Variants in NUP133 observed in about 807,000 individuals in gnomAD.
NUP133 encodes nucleoporin 133, also known as nuclear pore complex protein Nup133.
In NUP133, 66 loss-of-function variants were observed where a neutral mutation model predicts 146.2. The observed-to-expected ratio is 0.45, with a 90% CI of 0.37 to 0.55. NUP133 has a LOEUF of 0.55. NUP133 is among the 20% of genes least tolerant of loss of function. The probability of loss-of-function intolerance (pLI) is 0.00; values close to 1 mark genes in which losing one functional copy is unlikely to be tolerated. For synonymous variants in NUP133, 521 were observed against 498.8 expected (o/e 1.04, Z -0.59); for missense variants, 1,277 against 1,374.8 (o/e 0.93, Z 1.12).
intron 14 of NUP133, among the ~76,000 whole-genome samples, chr1:229,472,585 G>A (rs1183441904): frequency 6.6e-6 from 1 of 151,364 alleles, no homozygotes; most frequent in Non-Finnish European, 1.5e-5. Flanking sequence ...GGGAGGCTGA[G>A]ATGGGAAGAT....
chr1:229,472,330 A>C (rs1660976312), intron 14 of NUP133, among the ~76,000 whole-genome samples: 1 of 151,488 alleles, frequency 6.6e-6, no homozygotes, highest in Admixed American at 6.6e-5. Flanking sequence ...AAAAAAAAAA[A>C]AAAAAAAATC....
chr1:229,465,937 G>A (rs1173092560), intron 16 of NUP133, among the ~76,000 whole-genome samples: 2 of 148,112 alleles, frequency 1.4e-5, no homozygotes, highest in African/African-American at 5.0e-5. Flanking sequence ...AGAGAAAAAA[G>A]TCAGCACAGA....
At position 229,489,883 on chromosome 1, in the gene NUP133, A is replaced by G; in HGVS notation, c.1194+72T>C. 5.9e-6 allele frequency: 8 copies of G among 1,362,568 alleles called. 1 individual carries two copies. The South Asian group carries it at 1.0e-4, about 17-fold the overall frequency. 84.4% of individuals were successfully genotyped at this position (1,362,568 alleles called of 1,614,324 possible). A position where few individuals can be genotyped will look rare whatever the true frequency, so the allele number is the denominator to read the frequency against. On this transcript the variant is annotated intron_variant, in intron 9 of 25. Transcript: ENST00000261396. ...AGAGCAAAACTCTTTCAATAAATAA[A>G]TAAGACCCTGAAATGGTTAGAAAAA...
At chr1:229,483,808 T>C (rs1453597312) in intron 12 of NUP133, among the ~76,000 whole-genome samples, 2 of 152,018 alleles carry the variant, frequency 1.3e-5, no homozygotes, top group South Asian at 2.1e-4. Context: ...TAATGGTACA[T>C]TGTTTTTCAT....
chr1:229,478,070 T>C (rs1466054319), intron 12 of NUP133, among the ~76,000 whole-genome samples: 2 of 152,154 alleles, frequency 1.3e-5, no homozygotes, highest in Admixed American at 6.5e-5. Flanking sequence ...CCTGATGTGA[T>C]TATTACGCAT....
chr1:229,477,354 G>A (rs1365887103), intron 13 of NUP133, among the ~76,000 whole-genome samples: 1 of 151,224 alleles, frequency 6.6e-6, no homozygotes, highest in African/African-American at 2.4e-5. Context: ...GCAGGAGAAT[G>A]GCGTGAACCT....
Position 229,495,992 on chromosome 1 carries a change from G to A in NUP133, c.875C>T (p.Ser292Leu), listed in dbSNP as rs1392064305. The A allele has an allele frequency of 6.2e-7, 1 of 1,610,888 alleles. No homozygotes were observed. The highest frequency in any genetic ancestry group is 1.7e-5 in the Admixed American group (1 of 59,410). ...ERSSFYSLTS[S>L]NISKWELDDS... The stretch of plus-strand genomic sequence containing the variant: ...ATCTAATTCCCATTTACTGATGTTT[G>A]AACTCGTCAGGCTATAAAAGCTTGA... The change falls in exon 7 of 26, where the codon TCA (serine) becomes TTA (leucine). Residue 292 changes from serine (S) to leucine (L), a missense_variant. This residue lies in a region of NUP133 where 952 missense variants were observed against 1,047.0 expected (regional missense o/e 0.91). Coordinates refer to ENST00000261396, the MANE Select transcript of NUP133 (RefSeq NM_018230.3).
At chr1:229,469,306 T>C in intron 15 of NUP133, among the ~76,000 whole-genome samples, 1 of 152,212 alleles carries the variant, frequency 6.6e-6, no homozygotes, top group East Asian at 1.9e-4. Flanking sequence ...GCTGTGAAGC[T>C]TCACAAAAGC....
chr1:229,497,894 T>C (rs1049421691), intron 6 of NUP133, among the ~76,000 whole-genome samples: 2 of 152,216 alleles, frequency 1.3e-5, no homozygotes, highest in African/African-American at 4.8e-5. Flanking sequence ...ATAATAGTTT[T>C]AGTTCAAAAA....
chr1:229,497,003 C>G (rs924887372), intron 6 of NUP133, among the ~76,000 whole-genome samples: 3 of 152,072 alleles, frequency 2.0e-5, no homozygotes, highest in Non-Finnish European at 4.4e-5. Flanking sequence ...TGTTATTTTG[C>G]CTTTTCAGTA....
In NUP133 at chr1:229,450,529, T is replaced by C. The variant is rs140045966; in HGVS notation, c.3176A>G (p.Asp1059Gly). The C allele has an allele frequency of 8.5e-5, 132 of 1,559,084 alleles. No homozygotes were observed. The highest frequency in any genetic ancestry group is 1.1e-4 in the Non-Finnish European group (124 of 1,140,188). Residue 1059 changes from aspartate to glycine, a missense_variant, in exon 23 of 26, where the codon GAT becomes GGT. Around this residue, in one of 3 missense-constraint regions of NUP133, gnomAD observed 952 missense variants for 1,047.0 expected, o/e 0.91. Coordinates refer to ENST00000261396, the MANE Select transcript of NUP133 (RefSeq NM_018230.3). The part of the protein sequence containing the change: ...KKALDLLEYI[D>G]EEEDININDL... ...ATCTCAAGCAATTTTACTTACCTCA[T>C]CAATATATTCCAACAAGTCCAAAGC...
intron 8 of NUP133, among the ~76,000 whole-genome samples, chr1:229,490,972 AC>A (rs1376784804): frequency 6.6e-6 from 1 of 151,908 alleles, no homozygotes; most frequent in African/African-American, 2.4e-5. Flanking sequence ...GAAAAAAAAA[AC>A]AACTTGTGGA....
intron 24 of NUP133, among the ~76,000 whole-genome samples, chr1:229,448,128 A>G (rs1010197885): frequency 1.3e-5 from 2 of 152,240 alleles, no homozygotes; most frequent in African/African-American, 4.8e-5. Context: ...GTTACCTTAT[A>G]TAGTCTAAAA....
In NUP133 at chr1:229,508,205, G is replaced by A; in HGVS notation, c.45C>T (p.Ser15=). Residue 15 remains serine, a synonymous_variant, in exon 1 of 26, where the codon TCC becomes TCT. Coordinates refer to ENST00000261396, the MANE Select transcript of NUP133 (RefSeq NM_018230.3). ...CGAGTCCGGCCAGCGGGCCCCTTCG[G>A]GACCCGGTACCCGGGGTCCGCGGAG... The part of the protein sequence containing the change: ...APSPRTPGTG[S]RRGPLAGLGP... 3 of 1,563,528 alleles carry A rather than the reference G, an allele frequency of 1.9e-6. No individual in the cohort carries two copies. The highest frequency in any genetic ancestry group is 2.6e-6 in the Non-Finnish European group (3 of 1,157,392).
chr1:229,502,168 C>A (rs1200364384), intron 2 of NUP133, 66 bp from the exon 3 acceptor site: 9 of 1,192,390 alleles, frequency 7.5e-6, no homozygotes, highest in Admixed American at 1.9e-5. Flanking sequence ...CACGCTTTAT[C>A]AAAAAAAAGT....
intron 9 of NUP133, among the ~76,000 whole-genome samples, chr1:229,489,516 C>A (rs1661456087): frequency 6.6e-6 from 1 of 152,170 alleles, no homozygotes; most frequent in South Asian, 2.1e-4. Context: ...GCAACAATGT[C>A]TAGAAACAAG....
chr1:229,447,404 GTCT>G (rs753116006), intron 24 of NUP133, among the ~76,000 whole-genome samples: 7 of 151,506 alleles, frequency 4.6e-5, no homozygotes, highest in Admixed American at 3.9e-4. Flanking sequence ...TATGTATTTG[GTCT>G]TCTTCTTCAC....
At chr1:229,460,000 T>G (rs546414609) in intron 20 of NUP133, among the ~76,000 whole-genome samples, 2 of 152,332 alleles carry the variant, frequency 1.3e-5, no homozygotes, top group East Asian at 3.9e-4. Flanking sequence ...GGGTTCCCTT[T>G]TCTCCATGTC....
intron 18 of NUP133, 69 bp from the exon 19 acceptor site, chr1:229,463,745 A>C: frequency 1.4e-6 from 2 of 1,461,366 alleles, no homozygotes; most frequent in Non-Finnish European, 1.8e-6. Flanking sequence ...AAAAAATGTT[A>C]CTTGAAATTT....
Sources: gnomAD v4.1 joint callset for allele counts (sites outside exome capture counted in the v4.1 genomes callset) on GRCh38, gnomAD v4.1.1 for gene constraint, gnomAD v4.1.1 regional missense constraint, MANE v1.5 for transcripts, NCBI Gene and HGNC (gene_info 2026-07-23, HGNC 2026-07-21) for gene names.